TENM2: variants seen among roughly 807,000 people sequenced by gnomAD.
The protein encoded by TENM2 is teneurin-2.
TENM2 carries 52 observed loss-of-function variants against 245.2 expected under a neutral mutation model. That is an observed-to-expected ratio of 0.21 (90% CI 0.17 to 0.27). TENM2 has a LOEUF of 0.27. TENM2 is among the 10% of genes least tolerant of loss of function. TENM2 has a pLI of 1.00. For synonymous variants in TENM2, 1,363 were observed against 1,438.9 expected (o/e 0.95, Z 1.19); for missense variants, 3,046 against 3,666.8 (o/e 0.83, Z 4.37).
At chr5:167,384,694 ACACGCGTG>A (rs1199117166) in intron 2 of TENM2, among the ~76,000 whole-genome samples, 2 of 120,212 alleles carry the variant, frequency 1.7e-5, no homozygotes, top group African/African-American at 4.0e-5. Context: ...CAGCGCGTGC[ACACGCGTG>A]CGCGCACACA....
intron 2 of TENM2, among the ~76,000 whole-genome samples, chr5:167,852,743 A>G (rs1260292916): frequency 6.6e-6 from 1 of 152,090 alleles, no homozygotes; most frequent in Non-Finnish European, 1.5e-5. Context: ...TCTCTTTAAC[A>G]TGGGATTTGA....
At chr5:167,179,911 G>A in the TENM2 span, among the ~76,000 whole-genome samples, 5 of 152,056 alleles carry the variant, frequency 3.3e-5, no homozygotes, top group African/African-American at 4.8e-5. Context: ...TTCCTAGTTG[G>A]GAGAATAGGA....
At chr5:168,256,349 T>C (rs1767657952) in intron 27 of TENM2, among the ~76,000 whole-genome samples, 1 of 151,970 alleles carries the variant, frequency 6.6e-6, no homozygotes, top group Non-Finnish European at 1.5e-5. Flanking sequence ...TGTAAATATA[T>C]GGCTGTTGCC....
intron 3 of TENM2, among the ~76,000 whole-genome samples, chr5:167,916,484 C>A (rs575663039): frequency 9.2e-5 from 14 of 152,264 alleles, no homozygotes; most frequent in African/African-American, 3.4e-4. Flanking sequence ...ATCATCAATC[C>A]CGGGGAGCAA....
At chr5:167,468,557 T>C (rs1303502483) in intron 2 of TENM2, among the ~76,000 whole-genome samples, 1 of 152,224 alleles carries the variant, frequency 6.6e-6, no homozygotes, top group East Asian at 1.9e-4. Flanking sequence ...GCATCATTAT[T>C]ATTTTTTCCA....
intron 14 of TENM2, among the ~76,000 whole-genome samples, chr5:168,193,601 C>T (rs1287148703): frequency 1.3e-5 from 2 of 152,168 alleles, no homozygotes; most frequent in Non-Finnish European, 1.5e-5. Context: ...TCCTATGGCA[C>T]ACTGCAAAGC....
At chr5:167,505,963 T>C (rs1458269655) in intron 2 of TENM2, among the ~76,000 whole-genome samples, 1 of 152,090 alleles carries the variant, frequency 6.6e-6, no homozygotes, top group Non-Finnish European at 1.5e-5. Context: ...GGAAAACTGC[T>C]TGAGCCCAGG....
At chr5:167,131,089 T>A in the TENM2 span, among the ~76,000 whole-genome samples, 5 of 152,220 alleles carry the variant, frequency 3.3e-5, no homozygotes, top group East Asian at 9.7e-4. Context: ...TTGAATGTTT[T>A]ATGTAAAAAT....
chr5:167,540,420 A>G (rs1348423242), intron 2 of TENM2, among the ~76,000 whole-genome samples: 1 of 152,236 alleles, frequency 6.6e-6, no homozygotes, highest in East Asian at 1.9e-4. Flanking sequence ...ATTGGACAAG[A>G]AAATGAACAA....
At chr5:167,305,617 TG>T (rs1482865158) in intron 1 of TENM2, among the ~76,000 whole-genome samples, 1 of 152,234 alleles carries the variant, frequency 6.6e-6, no homozygotes, top group Non-Finnish European at 1.5e-5. Context: ...GAACTTTAAA[TG>T]ATGTGGTAAC....
intron 2 of TENM2, among the ~76,000 whole-genome samples, chr5:167,394,721 G>C (rs762224508): frequency 6.6e-6 from 1 of 151,866 alleles, no homozygotes; most frequent in African/African-American, 2.4e-5. Context: ...TCAATCTCCC[G>C]AATAGCTGGA....
chr5:168,082,542 G>C (rs367901846), intron 7 of TENM2, among the ~76,000 whole-genome samples: 48 of 152,310 alleles, frequency 3.2e-4, no homozygotes, highest in African/African-American at 1.1e-3. Flanking sequence ...CAGCTTTTCT[G>C]TTCTGGTTTC....
At chr5:167,948,398 G>A (rs1396792000) in intron 3 of TENM2, among the ~76,000 whole-genome samples, 1 of 152,224 alleles carries the variant, frequency 6.6e-6, no homozygotes, top group Non-Finnish European at 1.5e-5. Flanking sequence ...CCATTCTTTA[G>A]CAGGACAGAC....
At chr5:167,815,983 T>C (rs1767023448) in intron 2 of TENM2, among the ~76,000 whole-genome samples, 1 of 148,372 alleles carries the variant, frequency 6.7e-6, no homozygotes, top group East Asian at 1.9e-4. Context: ...TGTGTGTGTG[T>C]GTGTGTGTGT....
intron 24 of TENM2, among the ~76,000 whole-genome samples, chr5:168,226,507 CAT>C (rs1764201891): frequency 1.3e-5 from 2 of 152,254 alleles, no homozygotes; most frequent in Admixed American, 1.3e-4. Context: ...GAACTGTCTA[CAT>C]AGTTATCTGA....
At chr5:168,221,569 C>T (rs1291944298) in intron 23 of TENM2, among the ~76,000 whole-genome samples, 1 of 152,158 alleles carries the variant, frequency 6.6e-6, no homozygotes, top group African/African-American at 2.4e-5. Flanking sequence ...ATAAGACCAG[C>T]CTATCAATGA....
chr5:167,403,192 T>C (rs1411626780), intron 2 of TENM2, among the ~76,000 whole-genome samples: 1 of 152,096 alleles, frequency 6.6e-6, no homozygotes, highest in Non-Finnish European at 1.5e-5. Context: ...CAAAATTTCC[T>C]TAATTCATCC....
chr5:167,570,779 G>GTCAGAAAT (rs2127659542), intron 2 of TENM2, among the ~76,000 whole-genome samples: 1 of 152,264 alleles, frequency 6.6e-6, no homozygotes, highest in African/African-American at 2.4e-5. Flanking sequence ...AAATGTCAGA[G>GTCAGAAAT]GTCTGAAAAC....
chr5:168,011,571 A>G (rs1362009594), intron 5 of TENM2, among the ~76,000 whole-genome samples: 1 of 152,182 alleles, frequency 6.6e-6, no homozygotes, highest in African/African-American at 2.4e-5. Context: ...CACTTGAACG[A>G]AAATAAGAGC....
Sources: gnomAD v4.1 joint callset for allele counts (sites outside exome capture counted in the v4.1 genomes callset) on GRCh38, gnomAD v4.1.1 for gene constraint, MANE v1.5 for transcripts, NCBI Gene and HGNC (gene_info 2026-07-23, HGNC 2026-07-21) for gene names.